Variants in PM20D2 observed in about 807,000 individuals in gnomAD.
The protein encoded by PM20D2 is xaa-Arg dipeptidase.
A neutral mutation model predicts 42.9 loss-of-function variants in PM20D2; 33 were observed. That is an observed-to-expected ratio of 0.77 (90% confidence interval 0.58 to 1.03). The LOEUF (loss-of-function observed/expected upper bound fraction) is 1.03, where lower values mean the gene tolerates loss of function less well. PM20D2 is among the 50% of genes least tolerant of loss of function. The pLI, the probability that PM20D2 is intolerant of heterozygous loss-of-function variation, is 0.00. For synonymous variants in PM20D2, 250 were observed against 228.2 expected, an observed-to-expected ratio of 1.10 and a Z score of -0.86; for missense variants, 548 against 557.0, an observed-to-expected ratio of 0.98 and a Z score of 0.16.
At chr6:89,115,221 C>A in the PM20D2 span, among the ~76,000 whole-genome samples, 1 of 152,190 alleles carries the variant, frequency 6.6e-6, no homozygotes, top group Non-Finnish European at 1.5e-5. Context: ...GCTCCCACCT[C>A]AGCTTTCCCA....
At chr6:89,102,206 C>T in the PM20D2 span, among the ~76,000 whole-genome samples, 99 of 152,028 alleles carry the variant, frequency 6.5e-4, no homozygotes, top group Non-Finnish European at 1.2e-3. Context: ...TGCAGTGGGG[C>T]GAGCTTGGCT....
At chr6:89,146,045 C>A, upstream of PM20D2, 1 of 1,089,420 alleles carries the variant, frequency 9.2e-7, no homozygotes, top group Non-Finnish European at 1.2e-6. Flanking sequence ...GTGCGCGCTC[C>A]GCCGGGGTCC....
chr6:89,112,076 C>T, the PM20D2 span, among the ~76,000 whole-genome samples: 2,321 of 150,698 alleles, frequency 0.015, 59 homozygotes, highest in African/African-American at 0.052. Flanking sequence ...GGCGTGATCT[C>T]GGCTCACTGC....
the PM20D2 span, among the ~76,000 whole-genome samples, chr6:89,112,313 T>C: frequency 6.6e-6 from 1 of 152,232 alleles, no homozygotes; most frequent in African/African-American, 2.4e-5. Context: ...CTTCTGCTTT[T>C]AATTTTTTAA....
the PM20D2 span, among the ~76,000 whole-genome samples, chr6:89,116,213 C>T: frequency 9.6e-4 from 146 of 152,336 alleles, no homozygotes; most frequent in African/African-American, 3.5e-3. Flanking sequence ...ATTACCCCGG[C>T]TGGCCCCTGT....
At chr6:89,134,718 TACTC>T in the PM20D2 span, among the ~76,000 whole-genome samples, 1 of 151,186 alleles carries the variant, frequency 6.6e-6, no homozygotes, top group Non-Finnish European at 1.5e-5. Context: ...CAAAATTAGA[TACTC>T]TCTCAGGTGG....
the PM20D2 span, among the ~76,000 whole-genome samples, chr6:89,113,038 A>G: frequency 6.6e-6 from 1 of 152,238 alleles, no homozygotes; most frequent in Non-Finnish European, 1.5e-5. Context: ...ACTGTGTAGT[A>G]GGTTTGGGTT....
chr6:89,099,443 C>CACAT, the PM20D2 span, among the ~76,000 whole-genome samples: 3 of 138,746 alleles, frequency 2.2e-5, no homozygotes, highest in African/African-American at 8.7e-5. Flanking sequence ...TATATATACA[C>CACAT]ATATATATGT....
At chr6:89,112,575 GCTAA>G in the PM20D2 span, among the ~76,000 whole-genome samples, 1 of 148,706 alleles carries the variant, frequency 6.7e-6, no homozygotes, top group Admixed American at 6.6e-5. Flanking sequence ...ACCATGCCCG[GCTAA>G]CTTTTTTTTT....
At chr6:89,094,827 A>AT in the PM20D2 span, among the ~76,000 whole-genome samples, 1 of 146,842 alleles carries the variant, frequency 6.8e-6, no homozygotes, top group Non-Finnish European at 1.5e-5. Context: ...TGGGGCAAAT[A>AT]TATCATTTTA....
At chr6:89,114,594 T>C in the PM20D2 span, among the ~76,000 whole-genome samples, 2 of 146,568 alleles carry the variant, frequency 1.4e-5, no homozygotes, top group East Asian at 3.9e-4. Context: ...TGTCTGCCAG[T>C]GGCAAAGCTA....
the PM20D2 span, among the ~76,000 whole-genome samples, chr6:89,103,302 A>G: frequency 9.9e-5 from 15 of 152,044 alleles, no homozygotes; most frequent in Non-Finnish European, 2.1e-4. Context: ...CTAAGGCTGT[A>G]ATGCATTTAG....
At chr6:89,133,599 C>T in the PM20D2 span, among the ~76,000 whole-genome samples, 1 of 151,104 alleles carries the variant, frequency 6.6e-6, no homozygotes, top group Admixed American at 6.6e-5. Context: ...TGAATATGAC[C>T]ACATTCTGGT....
At chr6:89,100,886 C>A in the PM20D2 span, among the ~76,000 whole-genome samples, 1 of 152,000 alleles carries the variant, frequency 6.6e-6, no homozygotes, top group Admixed American at 6.6e-5. Flanking sequence ...GAGTGGATCA[C>A]CTGAGGTCAG....
At chr6:89,103,064 A>C in the PM20D2 span, among the ~76,000 whole-genome samples, 3 of 151,894 alleles carry the variant, frequency 2.0e-5, no homozygotes, top group Non-Finnish European at 4.4e-5. Flanking sequence ...GCACCTGGCC[A>C]TAAGACAGTT....
the PM20D2 span, chr6:89,117,806 C>T: frequency 6.5e-7 from 1 of 1,547,254 alleles, no homozygotes. Flanking sequence ...CCCCAACCTG[C>T]AGCCGCGGCC....
Position 89,162,413 on chromosome 6 carries a change from A to G in PM20D2, c.*150A>G. ...GACAGGGTGTGGAGAAAACATATTA[A>G]TTACCTCATATCTAAAGTGAAAATT... is the stretch of plus-strand genomic sequence containing the variant. On this transcript the variant is annotated 3_prime_UTR_variant, in exon 7 of 7. Transcript: ENST00000275072. The G allele has an allele frequency of 1.3e-6, 1 of 787,738 alleles. No individual in the cohort carries two copies. Among genetic ancestry groups the G allele is most frequent in the South Asian group, 2.3e-5 (1 of 44,096 alleles). 48.8% of individuals were successfully genotyped at this position (787,738 alleles called of 1,614,324 possible).
At chr6:89,097,219 A>C in the PM20D2 span, 1 of 152,216 alleles carries the variant, frequency 6.6e-6, no homozygotes, top group Non-Finnish European at 1.5e-5. Flanking sequence ...ACAAATACTA[A>C]CTGTATGGAT....
chr6:89,123,201 T>C, the PM20D2 span, among the ~76,000 whole-genome samples: 4 of 152,156 alleles, frequency 2.6e-5, no homozygotes, highest in Non-Finnish European at 5.9e-5. Flanking sequence ...TGTTGATCTA[T>C]TGTATGTGAA....
Sources: gnomAD v4.1 joint callset for allele counts (sites outside exome capture counted in the v4.1 genomes callset) on GRCh38, gnomAD v4.1.1 for gene constraint, MANE v1.5 for transcripts, NCBI Gene and HGNC (gene_info 2026-07-23, HGNC 2026-07-21) for gene names.